MYO7B: variants seen among roughly 807,000 people sequenced by gnomAD.
The protein encoded by MYO7B is myosin VIIB.
MYO7B carries 212 observed loss-of-function variants against 259.7 expected under a neutral mutation model. The observed-to-expected ratio is 0.82, with a 90% CI of 0.73 to 0.91. The LOEUF is 0.91. MYO7B is among the 40% of genes least tolerant of loss of function. The pLI, the probability that MYO7B is intolerant of heterozygous loss-of-function variation, is 0.00. For synonymous variants in MYO7B, 1,197 were observed against 1,166.4 expected, an observed-to-expected ratio of 1.03 and a Z score of -0.54; for missense variants, 2,732 against 2,813.5, an observed-to-expected ratio of 0.97 and a Z score of 0.66.
In MYO7B at chr2:127,607,306, T is replaced by C; in HGVS notation, c.2525T>C (p.Leu842Pro). 6.4e-7 allele frequency: 1 copy of C among 1,551,380 alleles called. No individual in the cohort carries two copies. ...CAGAGGACAGTCCAGCTGCAGGCCC[T>C]GTGCAGGGGATACCTGGTGCGCCAG... Reference protein sequence around the residue: ...MRQRTVQLQALCRGYLVRQQV... With the variant: ...MRQRTVQLQAPCRGYLVRQQV... The change falls in exon 21 of 48, where the codon CTG (leucine) becomes CCG (proline). Residue 842 changes from leucine (L) to proline (P), a missense_variant. Physicochemically the swap from Leu to Pro is moderately conservative, Grantham distance 98. Coordinates refer to ENST00000409816, the MANE Select transcript of MYO7B (RefSeq NM_001393586.1). The surrounding 1 kb of genome is among the most constrained non-coding windows in gnomAD (Gnocchi z 4.4).
chr2:127,560,432 A>AC (rs1678033479), intron 2 of MYO7B, among the ~76,000 whole-genome samples: 1 of 151,766 alleles, frequency 6.6e-6, no homozygotes, highest in Non-Finnish European at 1.5e-5. Flanking sequence ...GGTCTGAATC[A>AC]CCCCTTTGGA....
intron 1 of MYO7B, among the ~76,000 whole-genome samples, chr2:127,540,195 G>A (rs1035410304): frequency 2.0e-5 from 3 of 148,970 alleles, no homozygotes; most frequent in African/African-American, 7.4e-5. Context: ...ATGGAGTCTC[G>A]CCCTGTCACC....
At chr2:127,635,588 ACT>A (rs1681754660) in intron 43 of MYO7B, 132 bp from the exon 44 acceptor site, 4 of 980,516 alleles carry the variant, frequency 4.1e-6, no homozygotes, top group Admixed American at 2.8e-5. Context: ...CTGGCCTGAA[ACT>A]CTCTACCCTG....
Position 127,566,717 on chromosome 2 carries a change from G to T in MYO7B, c.360G>T (p.Gln120His). The stretch of plus-strand genomic sequence containing the variant: ...CGCTCTACACCCTGGAGCAGGTACA[G>T]CTCTACTACAGCCGCCATATGGGCG... ...VLPLYTLEQV[Q>H]LYYSRHMGEL... The change falls in exon 5 of 48, where the codon CAG becomes CAT. Residue 120 changes from glutamine to histidine, a missense_variant. Gln to His is a conservative substitution (Grantham distance 24, BLOSUM62 0). This residue lies in a region of MYO7B where 1,906 missense variants were observed against 2,026.4 expected (regional missense o/e 0.94). Transcript: ENST00000409816. 6.2e-7 allele frequency: 1 copy of T among 1,611,750 alleles called. No individual in the cohort carries two copies. The highest frequency in any genetic ancestry group is 8.5e-7 in the Non-Finnish European group (1 of 1,179,550).
rs1028395075 is a variant in MYO7B at position 127,597,783 on chromosome 2, G to A, written c.2339+1227G>A. ...CAAAGTAGCTGGTACTACTACAGGC[G>A]CCCGCCACCATGCCTGGCTAATTAT... On this transcript the variant is annotated intron_variant, in intron 19 of 47. Coordinates refer to ENST00000409816, the MANE Select transcript of MYO7B (RefSeq NM_001393586.1). The surrounding 1 kb of genome is among the most constrained non-coding windows in gnomAD (Gnocchi z 4.8). Among the ~76,000 whole-genome samples, 4 of 151,804 alleles carry A rather than the reference G, an allele frequency of 2.6e-5. No homozygotes were observed. The highest frequency in any genetic ancestry group is 7.3e-5 in the African/African-American group (3 of 41,328).
chr2:127,625,891 G>A (rs1351878744), intron 31 of MYO7B: 7 of 227,568 alleles, frequency 3.1e-5, no homozygotes, highest in Non-Finnish European at 6.0e-5. Flanking sequence ...CCCCCTGCCT[G>A]CCTCTGGGCC....
At position 127,584,789 on chromosome 2, in the gene MYO7B, C is replaced by T. The variant is rs1264375522; in HGVS notation, c.1566C>T (p.Leu522=). Residue 522 remains leucine, a synonymous_variant, in exon 14 of 48, where the codon CTC becomes CTT. Coordinates refer to ENST00000409816, the MANE Select transcript of MYO7B (RefSeq NM_001393586.1). This position sits in a 1 kb window ranked among gnomAD's most constrained non-coding sequence, Gnocchi z 5.8. ...CTGGGTTCTTCCAGGGGACAGATCT[C>T]ACCATGCTGCAAAAGCTGAACAGCG... is the stretch of plus-strand genomic sequence containing the variant. ...EESRFPQGTD[L]TMLQKLNSVH... 1 of 1,613,956 alleles carries T rather than the reference C, an allele frequency of 6.2e-7. No homozygotes were observed. Among genetic ancestry groups the T allele is most frequent in the African/African-American group, 1.3e-5 (1 of 75,060 alleles).
rs1677982942 is a variant in MYO7B, at chr2:127,559,618, G to A, written c.-23-82G>A. 1.5e-6 allele frequency: 2 copies of A among 1,353,566 alleles called. No homozygotes were observed. Among genetic ancestry groups the A allele is most frequent in the Admixed American group, 3.4e-5 (2 of 58,180 alleles). 83.8% of individuals were successfully genotyped at this position (1,353,566 alleles called of 1,614,324 possible). ...GCCGGGCACTTAGGGAAGTGTTGGTGAACAAGCCCAGCTCCTGTGCTCCAG... is the reference window on the plus strand; with the variant it reads ...GCCGGGCACTTAGGGAAGTGTTGGTAAACAAGCCCAGCTCCTGTGCTCCAG... On this transcript the variant is annotated intron_variant, in intron 1 of 47. Transcript: ENST00000409816. The surrounding 1 kb of genome is among the most constrained non-coding windows in gnomAD (Gnocchi z 4.1).
intron 2 of MYO7B, 33 bp from the exon 3 acceptor site, chr2:127,564,120 G>C: frequency 7.1e-7 from 1 of 1,412,794 alleles, no homozygotes; most frequent in Non-Finnish European, 9.7e-7. Flanking sequence ...GAGAGAGCGG[G>C]GATCACACCA....
intron 27 of MYO7B, 91 bp downstream of exon 27, chr2:127,620,557 C>T: frequency 3.7e-6 from 5 of 1,355,024 alleles, no homozygotes; most frequent in Non-Finnish European, 4.9e-6. Context: ...CCACAGATTC[C>T]AGTACGTGGC....
Position 127,608,812 on chromosome 2 carries a change from G to A in MYO7B, c.2748G>A (p.Glu916=). 1 of 1,613,538 alleles carries A rather than the reference G, an allele frequency of 6.2e-7. No individual in the cohort carries two copies. Among genetic ancestry groups the A allele is most frequent in the Non-Finnish European group, 8.5e-7 (1 of 1,179,850 alleles). ...YDTVTDTEMV[E]KVFGFLPAMI... is the part of the protein sequence containing the mutation. ...CCGTCACTGACACGGAGATGGTGGA[G>A]AAGGTGTTCGGCTTCCTCCCTGCCA... The change falls in exon 22 of 48, where the codon GAG becomes GAA. Residue 916 remains glutamate, a synonymous_variant. Transcript: ENST00000409816.
chr2:127,580,921 C>T, intron 10 of MYO7B, 99 bp downstream of exon 10: 1 of 1,205,182 alleles, frequency 8.3e-7, no homozygotes, highest in Non-Finnish European at 1.2e-6. Flanking sequence ...CTACCCAGGC[C>T]CCCACCCCTT....
In MYO7B at chr2:127,603,270, GA is replaced by G. The variant is rs1680032649; in HGVS notation, c.2340-2572del. Among the ~76,000 whole-genome samples the G allele has an allele frequency of 2.0e-5, 3 of 152,318 alleles. No individual in the cohort carries two copies. In the South Asian group the frequency reaches 6.2e-4, roughly 32 times the overall value. On this transcript the variant is annotated intron_variant, in intron 19 of 47. Transcript: ENST00000409816. ...CATCTAGAATGGTGAAAGCTTTCCA[GA>G]AGGTTTTCAATGGACTTTGCCCAGA...
intron 26 of MYO7B, among the ~76,000 whole-genome samples, chr2:127,616,803 C>G (rs889532460): frequency 6.6e-6 from 1 of 152,114 alleles, no homozygotes; most frequent in Non-Finnish European, 1.5e-5. Flanking sequence ...AGGTCCAGGC[C>G]CCCTTCTCAT....
rs1490366928 is a variant in MYO7B, at chr2:127,615,774, C to G, written c.3398+3171C>G. On this transcript the variant is annotated intron_variant, in intron 26 of 47. Coordinates refer to ENST00000409816, the MANE Select transcript of MYO7B (RefSeq NM_001393586.1). The surrounding 1 kb of genome is among the most constrained non-coding windows in gnomAD (Gnocchi z 4.4). Reference sequence around the variant, plus strand: ...CTCACTCTTTCGGCCTGCAACATCTCTCCCTTTTTGTTTTGAATTAATTGA... The same window carrying G: ...CTCACTCTTTCGGCCTGCAACATCTGTCCCTTTTTGTTTTGAATTAATTGA... Among the ~76,000 whole-genome samples the G allele has an allele frequency of 6.6e-6, 1 of 151,836 alleles. No individual in the cohort carries two copies. The highest frequency in any genetic ancestry group is 2.4e-5 in the African/African-American group (1 of 41,308).
rs1681366994 is a variant in MYO7B, at chr2:127,629,807, A to T, written c.4787A>T (p.Lys1596Met). The T allele has an allele frequency of 6.4e-7, 1 of 1,573,334 alleles. No homozygotes were observed. Among genetic ancestry groups the T allele is most frequent in the South Asian group, 1.2e-5 (1 of 85,894 alleles). The change falls in exon 35 of 48, where the codon AAG becomes ATG. Residue 1596 changes from lysine to methionine, a missense_variant. Around this residue, in one of 3 missense-constraint regions of MYO7B, gnomAD observed 821 missense variants for 769.3 expected, o/e 1.07. Transcript: ENST00000409816. ...ACLYTIPTVT[K>M]PSAQLLSLLA... Reference sequence around the variant, plus strand: ...CTCTACACCATCCCCACGGTCACTAAGCCCTCGGCACAGCTGCTGGTAACT... The same window carrying T: ...CTCTACACCATCCCCACGGTCACTATGCCCTCGGCACAGCTGCTGGTAACT...
intron 12 of MYO7B, among the ~76,000 whole-genome samples, chr2:127,583,002 G>C (rs992982738): frequency 3.9e-5 from 6 of 152,204 alleles, no homozygotes; most frequent in Non-Finnish European, 5.9e-5. Flanking sequence ...GGTGGTGAGG[G>C]GACCAGGCAA....
At position 127,580,762 on chromosome 2, in the gene MYO7B, C is replaced by T. The variant is rs200910174; in HGVS notation, c.1020C>T (p.Asn340=). The T allele has an allele frequency of 2.0e-5, 32 of 1,613,414 alleles. No homozygotes were observed. In the East Asian group the frequency reaches 6.7e-4, roughly 34 times the overall value. The change falls in exon 10 of 48, where the codon AAC becomes AAT. Residue 340 remains asparagine, a synonymous_variant. Transcript: ENST00000409816. ...NVGFMASVFE[N]LDASDVMETP... ...TCTCTCTAGCTTCGGTCTTCGAGAA[C>T]CTGGACGCCTCAGACGTGATGGAGA...
chr2:127,535,937 G>A lies in MYO7B; in HGVS notation c.-24+106G>A, dbSNP rs911439428. 1.4e-4 allele frequency: 21 copies of A among 152,748 alleles called. No individual in the cohort carries two copies. The highest frequency in any genetic ancestry group is 3.9e-4 in the African/African-American group (16 of 41,556). The allele number at this position is 152,748 out of a possible 1,614,324, so 9.5% of individuals were successfully genotyped here. Reference sequence around the variant, plus strand: ...GTCCCCTGGAAATAAGATGGAACAGGTCTGAGGGATAGAGAGTGGAGAAGC... The same window carrying A: ...GTCCCCTGGAAATAAGATGGAACAGATCTGAGGGATAGAGAGTGGAGAAGC... On this transcript the variant is annotated intron_variant, in intron 1 of 47. Coordinates refer to ENST00000409816, the MANE Select transcript of MYO7B (RefSeq NM_001393586.1). This position sits in a 1 kb window ranked among gnomAD's most constrained non-coding sequence, Gnocchi z 4.8.
Sources: allele counts gnomAD v4.1 joint callset (sites outside exome capture counted in the v4.1 genomes callset), GRCh38; gene constraint gnomAD v4.1.1; regional missense constraint gnomAD v4.1.1; non-coding constraint Gnocchi (gnomAD v3.1); transcripts MANE v1.5; gene names NCBI Gene and HGNC (gene_info 2026-07-23, HGNC 2026-07-21).